Variants in CDH23 observed in about 807,000 individuals in gnomAD.
CDH23 encodes the protein cadherin-23.
CDH23 carries 189 observed loss-of-function variants against 317.1 expected under a neutral mutation model. The observed-to-expected ratio is 0.60, with a 90% CI of 0.53 to 0.67. The LOEUF is 0.67. Among genes scored for constraint, CDH23 ranks in the 30% least tolerant of loss-of-function variants. CDH23 has a pLI of 0.00. For missense variants in CDH23, 4,401 were observed against 4,592.4 expected (o/e 0.96, Z 1.20); for synonymous variants, 1,839 against 1,876.8 (o/e 0.98, Z 0.52).
intron 3 of CDH23, among the ~76,000 whole-genome samples, chr10:71,496,966 A>G (rs986088925): frequency 2.6e-5 from 4 of 152,110 alleles, no homozygotes; most frequent in African/African-American, 4.8e-5. Context: ...CGTAGTGGAG[A>G]GTCATCCTCC....
intron 9 of CDH23, among the ~76,000 whole-genome samples, chr10:71,591,363 G>A (rs757885744): frequency 6.6e-5 from 10 of 152,192 alleles, no homozygotes; most frequent in Non-Finnish European, 1.5e-4. Context: ...ATTTCTGTCA[G>A]TTCTACCCAG....
chr10:71,785,170 C>T (rs973835341), intron 43 of CDH23, 70 bp downstream of exon 43: 267 of 1,329,754 alleles, frequency 2.0e-4, no homozygotes, highest in Non-Finnish European at 2.6e-4. Context: ...GCCCTAGAGG[C>T]TTTTCTGCTG....
intron 1 of CDH23, among the ~76,000 whole-genome samples, chr10:71,420,266 A>G (rs1306711981): frequency 1.3e-5 from 2 of 151,804 alleles, no homozygotes; most frequent in African/African-American, 2.4e-5. Flanking sequence ...CAAAAGGCCC[A>G]AAGTGGAATC....
At chr10:71,683,755 A>G (rs1213395262) in intron 18 of CDH23, among the ~76,000 whole-genome samples, 2 of 151,958 alleles carry the variant, frequency 1.3e-5, no homozygotes, top group African/African-American at 4.8e-5. Flanking sequence ...GACTTCAGGG[A>G]GTGTTGGGGG....
chr10:71,624,084 C>T (rs1422436228), intron 11 of CDH23, among the ~76,000 whole-genome samples: 1 of 152,192 alleles, frequency 6.6e-6, no homozygotes, highest in Admixed American at 6.5e-5. Context: ...CAAGAGGACA[C>T]GGGTAGGAAG....
Position 71,778,178 on chromosome 10 carries a change from G to A in CDH23, c.5068-11G>A, listed in dbSNP as rs772983913. 4.3e-6 allele frequency: 7 copies of A among 1,613,668 alleles called. No homozygotes were observed. Among genetic ancestry groups the A allele is most frequent in the African/African-American group, 2.7e-5 (2 of 74,846 alleles). On this transcript the variant is annotated splice_polypyrimidine_tract_variant and intron_variant, in intron 39 of 69. Coordinates refer to ENST00000224721, the MANE Select transcript of CDH23 (RefSeq NM_022124.6). ...CTAGATCCATCCTTGTCCCTTCCCT[G>A]TGTCCCCCAGGGTGTCATCACTGCT... is the stretch of plus-strand genomic sequence containing the variant.
intron 5 of CDH23, 36 bp from the exon 6 acceptor site, chr10:71,511,084 G>T (rs1431276313): frequency 2.5e-6 from 4 of 1,612,016 alleles, no homozygotes; most frequent in Non-Finnish European, 3.4e-6. Context: ...GCCAGAGTCA[G>T]GTGGCGGCGC....
rs919801235 is a variant in CDH23, at chr10:71,735,395, C to T, written c.4209+737C>T. The stretch of plus-strand genomic sequence containing the variant: ...AACGTTCCTAGAAGAGGCGGCCCGG[C>T]CTGAAGGGAGAGGCAGGCAGGGGAG... On this transcript the variant is annotated intron_variant, in intron 34 of 69. Transcript: ENST00000224721. Among the ~76,000 whole-genome samples the T allele has an allele frequency of 2.0e-5, 3 of 152,134 alleles. No homozygotes were observed. In the East Asian group the frequency reaches 5.8e-4, roughly 29 times the overall value.
intron 3 of CDH23, among the ~76,000 whole-genome samples, chr10:71,446,773 A>G (rs1420946127): frequency 1.3e-5 from 2 of 152,308 alleles, no homozygotes; most frequent in South Asian, 2.1e-4. Flanking sequence ...TGGCTTTGGC[A>G]TTAGAAAAAA....
Position 71,793,421 on chromosome 10 carries a change from G to C in CDH23, c.6493G>C (p.Asp2165His). The C allele has an allele frequency of 6.2e-7, 1 of 1,613,980 alleles. No individual in the cohort carries two copies. The highest frequency in any genetic ancestry group is 1.1e-5 in the South Asian group (1 of 91,076). Reference sequence around the variant, plus strand: ...CACAGCCATTGTCACCATTCTGATCGATGACATCAATGACTCCCGCCCCGA... The same window carrying C: ...CACAGCCATTGTCACCATTCTGATCCATGACATCAATGACTCCCGCCCCGA... ...SGTAIVTILI[D>H]DINDSRPEFL... Residue 2165 changes from aspartate (D) to histidine (H), a missense_variant, in exon 48 of 70, where the codon GAT (aspartate) becomes CAT (histidine). Transcript: ENST00000224721.
intron 6 of CDH23, among the ~76,000 whole-genome samples, chr10:71,566,393 A>G (rs552090193): frequency 1.2e-4 from 18 of 152,214 alleles, no homozygotes; most frequent in South Asian, 8.3e-4. Context: ...CTGGTCCCCA[A>G]AAAGGAAGCC....
Position 71,615,544 on chromosome 10 carries a change from AGT to A in CDH23, c.875_876del (p.Val292AlafsTer30), listed in dbSNP as rs1381633680. On this transcript the variant is annotated frameshift_variant, in exon 10 of 70. Coordinates refer to ENST00000224721, the MANE Select transcript of CDH23 (RefSeq NM_022124.6). LOFTEE classifies it high-confidence loss of function. ...TCTTTGCCCTGGACTACATCAGCGGAGTGCTGACCTTGAATGGCCTGCTGGAC... is the reference window on the plus strand; with the variant it reads ...TCTTTGCCCTGGACTACATCAGCGGAGCTGACCTTGAATGGCCTGCTGGAC... ...SIFALDYISG[V>X]LTLNGLLDRE... is the part of the protein sequence containing the mutation. 1.2e-6 allele frequency: 2 copies of A among 1,613,430 alleles called. No homozygotes were observed.
Position 71,812,565 on chromosome 10 carries a change from CTGAG to C in CDH23, c.9471_9474del (p.Ser3157ArgfsTer58). On this transcript the variant is annotated frameshift_variant, in exon 67 of 70. Transcript: ENST00000224721. LOFTEE classifies it high-confidence loss of function. ...GCATGAGGATGACCTACCGGAGAAC[CTGAG>C]TGAGATCGCCGACCTGTGGAACAGC... The C allele has an allele frequency of 1.9e-6, 3 of 1,613,964 alleles. No individual in the cohort carries two copies. Among genetic ancestry groups the C allele is most frequent in the Non-Finnish European group, 1.7e-6 (2 of 1,179,900 alleles).
At chr10:71,644,226 G>A (rs997749352) in intron 12 of CDH23, among the ~76,000 whole-genome samples, 6 of 152,338 alleles carry the variant, frequency 3.9e-5, no homozygotes, top group Admixed American at 6.5e-5. Flanking sequence ...CTGGAGCCCC[G>A]CGGCTTGCCT....
chr10:71,451,304 G>GCCCT (rs944092623), intron 3 of CDH23, among the ~76,000 whole-genome samples: 5 of 152,268 alleles, frequency 3.3e-5, no homozygotes, highest in African/African-American at 1.2e-4. Context: ...GCCATGGATG[G>GCCCT]CCCTGCCCAG....
chr10:71,702,537 T>G lies in CDH23; in HGVS notation c.2588-12T>G, dbSNP rs780857113. The G allele has an allele frequency of 6.2e-7, 1 of 1,613,924 alleles. No homozygotes were observed. Among genetic ancestry groups the G allele is most frequent in the Middle Eastern group, 1.6e-4 (1 of 6,062 alleles). On this transcript the variant is annotated splice_polypyrimidine_tract_variant and intron_variant, in intron 23 of 69. Transcript: ENST00000224721. ...CCCTGTCCTTGGCCCCTTCTCGCCC[T>G]GGTCTTCCCAGGTGGCAGGCCCCCT... is the stretch of plus-strand genomic sequence containing the variant.
intron 3 of CDH23, among the ~76,000 whole-genome samples, chr10:71,483,230 C>T (rs1041346207): frequency 5.3e-5 from 8 of 152,230 alleles, no homozygotes; most frequent in Non-Finnish European, 1.0e-4. Flanking sequence ...TGCATTCACT[C>T]TCACCCTTCC....
intron 6 of CDH23, among the ~76,000 whole-genome samples, chr10:71,547,384 C>T (rs1232771970): frequency 6.6e-6 from 1 of 152,192 alleles, no homozygotes; most frequent in Non-Finnish European, 1.5e-5. Flanking sequence ...TGAGGAAGTG[C>T]AAGGCCAGAG....
In CDH23 at chr10:71,795,794, G is replaced by A. The variant is rs1263523804; in HGVS notation, c.6713-1310G>A. 1.4e-5 allele frequency: 14 copies of A among 984,052 alleles called. No individual in the cohort carries two copies. In the Middle Eastern group the frequency reaches 1.5e-3, roughly 108 times the overall value. 61.0% of individuals were successfully genotyped at this position (984,052 alleles called of 1,614,324 possible). Reference sequence around the variant, plus strand: ...ATCCCTGCTGCACCCTGAACTAACTGATGTTAACCCTCTTCTCTCTTCCTC... The same window carrying A: ...ATCCCTGCTGCACCCTGAACTAACTAATGTTAACCCTCTTCTCTCTTCCTC... On this transcript the variant is annotated intron_variant, in intron 48 of 69. Coordinates refer to ENST00000224721, the MANE Select transcript of CDH23 (RefSeq NM_022124.6).
Sources: gnomAD v4.1 joint callset for allele counts (sites outside exome capture counted in the v4.1 genomes callset) on GRCh38, gnomAD v4.1.1 for gene constraint, MANE v1.5 for transcripts, NCBI Gene and HGNC (gene_info 2026-07-23, HGNC 2026-07-21) for gene names.